The following KCND3 variants were observed in gnomAD, a reference collection of about 807,000 sequenced individuals.
The protein encoded by KCND3 is potassium voltage-gated channel subfamily D member 3.
In KCND3, 9 loss-of-function variants were observed where a neutral mutation model predicts 51.1. The observed-to-expected ratio is 0.18, with a 90% CI of 0.11 to 0.31. The LOEUF is 0.31. Among genes scored for constraint, KCND3 ranks in the 10% least tolerant of loss-of-function variants. KCND3 has a pLI of 1.00. For synonymous variants in KCND3, 349 were observed against 368.0 expected (o/e 0.95, Z 0.59); for missense variants, 526 against 903.8 (o/e 0.58, Z 5.36).
intron 2 of KCND3, among the ~76,000 whole-genome samples, chr1:111,948,694 G>A (rs1403043299): frequency 1.3e-5 from 2 of 152,056 alleles, no homozygotes; most frequent in Non-Finnish European, 2.9e-5. Context: ...GCTCCCCTCT[G>A]GGGAGCTGGC....
Position 111,960,871 on chromosome 1 carries a change from A to AGGCCTGGGGCCATGGCAGTT in KCND3, c.1106+20730_1106+20749dup, listed in dbSNP as rs535200628. On this transcript the variant is annotated intron_variant, in intron 2 of 7. Transcript: ENST00000302127. ...TAATTCTTCATCAGGAGACCGAGGG[A>AGGCCTGGGGCCATGGCAGTT]GGCCTGGGGCCATGGCAGTTGGGGA... Among the ~76,000 whole-genome samples, 73 of 152,264 alleles carry AGGCCTGGGGCCATGGCAGTT rather than the reference A, an allele frequency of 4.8e-4. 3 individuals are homozygous for AGGCCTGGGGCCATGGCAGTT. The East Asian group carries it at 0.014, about 28-fold the overall frequency.
chr1:111,906,954 T>C (rs1334082489), intron 2 of KCND3, among the ~76,000 whole-genome samples: 2 of 152,234 alleles, frequency 1.3e-5, no homozygotes, highest in African/African-American at 2.4e-5. Flanking sequence ...TCACTGTCCC[T>C]GCAGATTAAA....
At chr1:111,818,534 A>T (rs1666209483) in intron 2 of KCND3, among the ~76,000 whole-genome samples, 1 of 152,182 alleles carries the variant, frequency 6.6e-6, no homozygotes, top group Admixed American at 6.5e-5. Context: ...TTATTGATCC[A>T]TCCATGATGC....
chr1:111,880,287 A>G (rs1669243326), intron 2 of KCND3, among the ~76,000 whole-genome samples: 1 of 152,228 alleles, frequency 6.6e-6, no homozygotes, highest in South Asian at 2.1e-4. Flanking sequence ...TTGGTCCTCA[A>G]GGACTTAGAA....
intron 2 of KCND3, among the ~76,000 whole-genome samples, chr1:111,929,851 C>G (rs1467620115): frequency 6.6e-6 from 1 of 152,236 alleles, no homozygotes; most frequent in African/African-American, 2.4e-5. Context: ...CGGGCCCCAT[C>G]ATGCTCCCCC....
intron 2 of KCND3, among the ~76,000 whole-genome samples, chr1:111,960,567 C>T (rs1557748466): frequency 6.6e-6 from 1 of 152,198 alleles, no homozygotes; most frequent in East Asian, 1.9e-4. Flanking sequence ...CCTCCCCTAG[C>T]CCAGAAAGTG....
chr1:111,841,914 C>T (rs1011191806), intron 2 of KCND3, among the ~76,000 whole-genome samples: 1 of 152,212 alleles, frequency 6.6e-6, no homozygotes, highest in South Asian at 2.1e-4. Context: ...GCCCAAGCGG[C>T]CCTGGGAGTA....
chr1:111,953,908 T>C (rs1473109451), intron 2 of KCND3, among the ~76,000 whole-genome samples: 4 of 152,068 alleles, frequency 2.6e-5, no homozygotes, highest in Non-Finnish European at 4.4e-5. Context: ...TCCAGATCAC[T>C]CTCTACCCTT....
At chr1:111,815,750 A>G (rs1471616599) in intron 2 of KCND3, among the ~76,000 whole-genome samples, 2 of 151,750 alleles carry the variant, frequency 1.3e-5, no homozygotes, top group African/African-American at 4.8e-5. Context: ...AATAACATAT[A>G]TTTTTACTGC....
intron 2 of KCND3, among the ~76,000 whole-genome samples, chr1:111,899,584 C>T (rs1238666927): frequency 6.6e-6 from 1 of 152,198 alleles, no homozygotes; most frequent in Non-Finnish European, 1.5e-5. Flanking sequence ...AGGGGGTCTG[C>T]CACAGTGAGG....
chr1:111,819,990 C>A (rs1666275795), intron 2 of KCND3, among the ~76,000 whole-genome samples: 1 of 152,196 alleles, frequency 6.6e-6, no homozygotes, highest in African/African-American at 2.4e-5. Flanking sequence ...ACACTGCAGC[C>A]AGATTAATAT....
chr1:111,833,011 A>G (rs1666911353), intron 2 of KCND3, among the ~76,000 whole-genome samples: 1 of 152,374 alleles, frequency 6.6e-6, no homozygotes, highest in African/African-American at 2.4e-5. Context: ...GCAGGACCAT[A>G]CACTGGCAGT....
At chr1:111,904,098 T>G (rs1483018663) in intron 2 of KCND3, among the ~76,000 whole-genome samples, 3 of 149,734 alleles carry the variant, frequency 2.0e-5, no homozygotes, top group South Asian at 2.1e-4. Context: ...GTTTTTTGTT[T>G]TTTTTTTTTT....
intron 7 of KCND3, 98 bp downstream of exon 7, chr1:111,776,928 G>A: frequency 6.3e-7 from 1 of 1,576,426 alleles, no homozygotes; most frequent in Non-Finnish European, 8.6e-7. Flanking sequence ...AAGGGGAGCG[G>A]CTAGAGGATC....
At chr1:111,823,448 C>T (rs1666437179) in intron 2 of KCND3, among the ~76,000 whole-genome samples, 1 of 152,172 alleles carries the variant, frequency 6.6e-6, no homozygotes, top group Non-Finnish European at 1.5e-5. Flanking sequence ...CCTGATGGTT[C>T]TGAGACACTC....
intron 2 of KCND3, among the ~76,000 whole-genome samples, chr1:111,809,301 A>T (rs1665723986): frequency 8.6e-6 from 1 of 115,788 alleles, no homozygotes; most frequent in South Asian, 3.5e-4. Flanking sequence ...ACAGCGGAAG[A>T]TTATTTTTCT....
intron 2 of KCND3, among the ~76,000 whole-genome samples, chr1:111,870,150 GA>G (rs1668767578): frequency 6.6e-6 from 1 of 152,138 alleles, no homozygotes; most frequent in African/African-American, 2.4e-5. Flanking sequence ...TTTTAAAGAT[GA>G]AAAAACTGAA....
Position 111,780,675 on chromosome 1 carries a change from C to T in KCND3, c.1371+15G>A. The T allele has an allele frequency of 6.3e-7, 1 of 1,597,556 alleles. No homozygotes were observed. The highest frequency in any genetic ancestry group is 8.5e-7 in the Non-Finnish European group (1 of 1,170,320). On this transcript the variant is annotated intron_variant, in intron 4 of 7. Coordinates refer to ENST00000302127, the MANE Select transcript of KCND3 (RefSeq NM_001378969.1). This position sits in a 1 kb window ranked among gnomAD's most constrained non-coding sequence, Gnocchi z 4.2. The stretch of plus-strand genomic sequence containing the variant: ...CCCCTTTATGTTCCCTAGCCCAGGT[C>T]CTCTAGGCACCTACCGTCAGCTCCA...
chr1:111,818,047 C>CACAT (rs1666178991), intron 2 of KCND3, among the ~76,000 whole-genome samples: 2 of 110,904 alleles, frequency 1.8e-5, no homozygotes, highest in African/African-American at 8.0e-5. Flanking sequence ...CGTGCACACA[C>CACAT]ACACACACAC....
Sources: gnomAD v4.1 joint callset for allele counts (sites outside exome capture counted in the v4.1 genomes callset) on GRCh38, gnomAD v4.1.1 for gene constraint, Gnocchi (gnomAD v3.1) non-coding constraint, MANE v1.5 for transcripts, NCBI Gene and HGNC (gene_info 2026-07-23, HGNC 2026-07-21) for gene names.